Variants in RRAGB observed in about 807,000 individuals in gnomAD.
RRAGB encodes Ras related GTP binding B.
RRAGB carries 6 observed loss-of-function variants against 29.3 expected under a neutral mutation model. That is an observed-to-expected ratio of 0.21 (90% confidence interval 0.11 to 0.40). RRAGB has a LOEUF of 0.40. Among genes scored for constraint, RRAGB ranks in the 10% least tolerant of loss-of-function variants. The pLI, the probability that RRAGB is intolerant of heterozygous loss-of-function variation, is 1.00. For missense variants in RRAGB, 184 were observed against 272.9 expected (o/e 0.67, Z 2.29); for synonymous variants, 101 against 92.5 (o/e 1.09, Z -0.53).
intron 5 of RRAGB, among the ~76,000 whole-genome samples, chrX:55,741,641 T>C (rs2034076177): frequency 9.0e-6 from 1 of 111,549 alleles, no homozygotes; most frequent in Non-Finnish European, 1.9e-5. Context: ...CATGTGTGTG[T>C]GTATGTGCGC....
intron 4 of RRAGB, among the ~76,000 whole-genome samples, chrX:55,730,550 TGG>T (rs2033642341): frequency 8.9e-6 from 1 of 112,176 alleles, no homozygotes; most frequent in Non-Finnish European, 1.9e-5. Flanking sequence ...TGTTTTCTGC[TGG>T]CCAAGTGGTA....
At chrX:55,742,488 T>C (rs1286179783) in intron 5 of RRAGB, among the ~76,000 whole-genome samples, 1 of 112,452 alleles carries the variant, frequency 8.9e-6, no homozygotes, top group East Asian at 2.8e-4. Flanking sequence ...TCCTTATATC[T>C]ATTTTGGAGG....
At chrX:55,732,666 T>C (rs2033723841) in intron 5 of RRAGB, among the ~76,000 whole-genome samples, 1 of 111,860 alleles carries the variant, frequency 8.9e-6, no homozygotes, top group Admixed American at 9.5e-5. Context: ...TTTGATTATT[T>C]AGTAGTCTTT....
chrX:55,726,731 AAG>A (rs1176357639), intron 3 of RRAGB, among the ~76,000 whole-genome samples: 8 of 111,535 alleles, frequency 7.2e-5, no homozygotes, highest in African/African-American at 2.6e-4. Context: ...ATAAGACTGA[AAG>A]AGGAATAGAT....
At chrX:55,753,573 C>T in intron 7 of RRAGB, 59 bp downstream of exon 7, 1 of 1,050,563 alleles carries the variant, frequency 9.5e-7, no homozygotes, top group Non-Finnish European at 1.3e-6. Context: ...TTTTCAGCAA[C>T]AGAGAACAGC....
intron 5 of RRAGB, among the ~76,000 whole-genome samples, chrX:55,749,151 T>C (rs2034407937): frequency 3.7e-5 from 3 of 80,341 alleles, no homozygotes; most frequent in Non-Finnish European, 2.4e-5. Context: ...GAGGAGTCCC[T>C]CTGCCCGGCC....
intron 5 of RRAGB, among the ~76,000 whole-genome samples, chrX:55,749,144 G>A (rs1383190148): frequency 1.0e-5 from 1 of 97,733 alleles, no homozygotes; most frequent in Non-Finnish European, 2.1e-5. Flanking sequence ...GGGAAGTGAG[G>A]AGTCCCTCTG....
At chrX:55,720,521 G>A (rs1286211783) in intron 2 of RRAGB, among the ~76,000 whole-genome samples, 1 of 111,205 alleles carries the variant, frequency 9.0e-6, no homozygotes, top group African/African-American at 3.3e-5. Flanking sequence ...GGGATTGAAG[G>A]TAGAACATAG....
intron 3 of RRAGB, among the ~76,000 whole-genome samples, chrX:55,725,860 T>TA (rs1465936741): frequency 5.4e-5 from 6 of 110,639 alleles, no homozygotes; most frequent in Admixed American, 9.6e-5. Flanking sequence ...CATCCCTCTT[T>TA]AAAAAAAAAT....
At chrX:55,741,568 C>T (rs1305624044) in intron 5 of RRAGB, among the ~76,000 whole-genome samples, 1 of 111,656 alleles carries the variant, frequency 9.0e-6, no homozygotes, top group Non-Finnish European at 1.9e-5. Context: ...ACAAAAACCG[C>T]ACCTAGTTAT....
intron 2 of RRAGB, 120 bp from the exon 3 acceptor site, chrX:55,722,066 G>A: frequency 2.5e-6 from 1 of 407,831 alleles, no homozygotes; most frequent in Non-Finnish European, 4.4e-6. Context: ...ATGCGCACCA[G>A]GTTGTTGGTA....
At chrX:55,727,998 A>G (rs933926167) in intron 3 of RRAGB, among the ~76,000 whole-genome samples, 1 of 110,372 alleles carries the variant, frequency 9.1e-6, no homozygotes, top group Admixed American at 9.7e-5. Flanking sequence ...CTCTTAAAAG[A>G]TGAATATATT....
At chrX:55,723,333 G>C (rs1193700628) in intron 3 of RRAGB, among the ~76,000 whole-genome samples, 2 of 110,443 alleles carry the variant, frequency 1.8e-5, no homozygotes, top group Non-Finnish European at 3.8e-5. Context: ...CCAGAGATGA[G>C]GTTTCACCAT....
At position 55,731,426 on chromosome X, in the gene RRAGB, A is replaced by G. The variant is rs762034491; in HGVS notation, c.356A>G (p.Glu119Gly). The change falls in exon 5 of 10, where the codon GAG becomes GGG. Residue 119 changes from glutamate (E) to glycine (G), a missense_variant. Physicochemically the swap from Glu to Gly is moderately conservative, Grantham distance 98 (BLOSUM62 -2). Transcript: ENST00000374941. ...SQRDNIFRNV[E>G]VLIYVFDVES... ...CGGGACAACATCTTCCGAAATGTGGAGGTTCTGATTTATGTCTTTGATGTG... is the reference window on the plus strand; with the variant it reads ...CGGGACAACATCTTCCGAAATGTGGGGGTTCTGATTTATGTCTTTGATGTG... 1.7e-6 allele frequency: 2 copies of G among 1,209,060 alleles called. No homozygotes were observed. Among genetic ancestry groups the G allele is most frequent in the African/African-American group, 3.5e-5 (2 of 57,128 alleles).
chrX:55,737,877 C>T (rs2033918215), intron 5 of RRAGB, among the ~76,000 whole-genome samples: 1 of 112,802 alleles, frequency 8.9e-6, no homozygotes, highest in Non-Finnish European at 1.9e-5. Context: ...GCATGGCACC[C>T]ACTGCTATAG....
At position 55,755,456 on chromosome X, in the gene RRAGB, A is replaced by C; in HGVS notation, c.736-385A>C. On this transcript the variant is annotated intron_variant, in intron 7 of 9. Coordinates refer to ENST00000374941, the MANE Select transcript of RRAGB (RefSeq NM_006064.5). Reference sequence around the variant, plus strand: ...GCCTTTATTAAAATTAAACACATGAAGTATACCTCAAGAACAGCTAGGAAT... The same window carrying C: ...GCCTTTATTAAAATTAAACACATGACGTATACCTCAAGAACAGCTAGGAAT... 3 of 745,882 alleles carry C rather than the reference A, an allele frequency of 4.0e-6. No homozygotes were observed. The South Asian group carries it at 2.0e-4, about 51-fold the overall frequency. The allele number at this position is 745,882 out of a possible 1,213,427, so 61.5% of individuals were successfully genotyped here. A position where few individuals can be genotyped will look rare whatever the true frequency, so the allele number is the denominator to read the frequency against.
chrX:55,735,424 G>A lies in RRAGB; in HGVS notation c.516+3838G>A, dbSNP rs146200691. On this transcript the variant is annotated intron_variant, in intron 5 of 9. Transcript: ENST00000374941. ...TTGATTTAAAGTCTGTTTTATCTAAGAATAGTTATTCCCACTCACTTTTGG... is the reference window on the plus strand; with the variant it reads ...TTGATTTAAAGTCTGTTTTATCTAAAAATAGTTATTCCCACTCACTTTTGG... Among the ~76,000 whole-genome samples the A allele has an allele frequency of 5.5e-3, 610 of 111,877 alleles. 3 individuals are homozygous for A. The highest frequency in any genetic ancestry group is 8.5e-3 in the Non-Finnish European group (451 of 53,095).
At chrX:55,747,824 T>C (rs1009464693) in intron 5 of RRAGB, among the ~76,000 whole-genome samples, 1 of 51,751 alleles carries the variant, frequency 1.9e-5, no homozygotes, top group Non-Finnish European at 3.8e-5. Flanking sequence ...TCCCTCTCCC[T>C]CTCCCTCTCC....
At chrX:55,726,526 G>A (rs887858608) in intron 3 of RRAGB, among the ~76,000 whole-genome samples, 2 of 111,614 alleles carry the variant, frequency 1.8e-5, no homozygotes, top group African/African-American at 6.5e-5. Flanking sequence ...AATAGACCAG[G>A]TGAGAGATGA....
Sources: allele counts gnomAD v4.1 joint callset (sites outside exome capture counted in the v4.1 genomes callset), GRCh38; gene constraint gnomAD v4.1.1; transcripts MANE v1.5; gene names NCBI Gene and HGNC (gene_info 2026-07-23, HGNC 2026-07-21).